HNRNPLL: variants seen among roughly 807,000 people sequenced by gnomAD.
HNRNPLL encodes heterogeneous nuclear ribonucleoprotein L like.
Under a neutral mutation model 67.1 loss-of-function variants are expected in HNRNPLL, and 25 were observed. The ratio of observed to expected loss-of-function variants is 0.37; its 90% CI spans 0.27 to 0.52. HNRNPLL has a LOEUF of 0.52. Ranked by LOEUF, HNRNPLL falls within the 20% of genes least tolerant of loss-of-function variation. HNRNPLL has a pLI of 0.90. For missense variants in HNRNPLL, 542 were observed against 673.9 expected, an observed-to-expected ratio of 0.80 and a Z score of 2.17; for synonymous variants, 267 against 241.7, an observed-to-expected ratio of 1.10 and a Z score of -0.97.
chr2:38,594,946 A>C (rs1417549358), intron 1 of HNRNPLL, among the ~76,000 whole-genome samples: 2 of 151,940 alleles, frequency 1.3e-5, no homozygotes, highest in Admixed American at 6.6e-5. Context: ...TCTCAAAAAA[A>C]AGAAATAACC....
intron 1 of HNRNPLL, among the ~76,000 whole-genome samples, chr2:38,595,294 A>AAG (rs1667133851): frequency 6.8e-6 from 1 of 146,612 alleles, no homozygotes; most frequent in African/African-American, 2.5e-5. Context: ...AAAAAAAAAA[A>AAG]AAAGAAAAGA....
intron 1 of HNRNPLL, among the ~76,000 whole-genome samples, chr2:38,596,612 A>C (rs1254326034): frequency 6.6e-6 from 1 of 152,132 alleles, no homozygotes. Flanking sequence ...TCATACTATG[A>C]ATCTTGACTC....
intron 1 of HNRNPLL, among the ~76,000 whole-genome samples, chr2:38,599,642 ACTCTT>A (rs1277357770): frequency 6.6e-6 from 1 of 152,062 alleles, no homozygotes; most frequent in Non-Finnish European, 1.5e-5. Context: ...CAAAGTATTA[ACTCTT>A]CTCTCATTTC....
At chr2:38,590,287 G>A (rs1223984976) in intron 2 of HNRNPLL, among the ~76,000 whole-genome samples, 1 of 152,078 alleles carries the variant, frequency 6.6e-6, no homozygotes, top group African/African-American at 2.4e-5. Flanking sequence ...CCCTCTGCTG[G>A]ACATCTCTGA....
intron 9 of HNRNPLL, 134 bp downstream of exon 9, chr2:38,569,669 CA>C (rs1375467563): frequency 3.7e-6 from 2 of 546,858 alleles, no homozygotes; most frequent in Non-Finnish European, 6.3e-6. Flanking sequence ...TCTAAAATAA[CA>C]ATATTACAGC....
rs535016998 is a variant in HNRNPLL, at chr2:38,592,314, T to C, written c.190-666A>G. Among the ~76,000 whole-genome samples, 3 of 152,298 alleles carry C rather than the reference T, an allele frequency of 2.0e-5. No homozygotes were observed. In the East Asian group the frequency reaches 5.8e-4, roughly 29 times the overall value. On this transcript the variant is annotated intron_variant, in intron 1 of 12. Transcript: ENST00000449105. ...AAATCAAAATCTCAACTAGTACAAATGAACAAAAAGTTCCAATCAAAAATT... is the reference window on the plus strand; with the variant it reads ...AAATCAAAATCTCAACTAGTACAAACGAACAAAAAGTTCCAATCAAAAATT...
chr2:38,568,990 A>G (rs1370999680), intron 10 of HNRNPLL, 143 bp downstream of exon 10: 1 of 627,838 alleles, frequency 1.6e-6, no homozygotes, highest in Admixed American at 2.8e-5. Flanking sequence ...TGGTCAAAGA[A>G]TAAACTATCC....
At chr2:38,589,475 C>G (rs1268021443) in intron 2 of HNRNPLL, among the ~76,000 whole-genome samples, 1 of 152,224 alleles carries the variant, frequency 6.6e-6, no homozygotes, top group Admixed American at 6.5e-5. Context: ...TTTCATACAA[C>G]TGAAACTCCT....
intron 4 of HNRNPLL, among the ~76,000 whole-genome samples, chr2:38,583,391 C>T (rs1308374158): frequency 6.6e-6 from 1 of 152,024 alleles, no homozygotes; most frequent in African/African-American, 2.4e-5. Context: ...AGTGTATTAT[C>T]TATACTATTT....
chr2:38,580,654 T>C (rs952896942), intron 6 of HNRNPLL, among the ~76,000 whole-genome samples: 35 of 152,348 alleles, frequency 2.3e-4, no homozygotes, highest in African/African-American at 7.9e-4. Flanking sequence ...TGCAGCCCCC[T>C]TGTTTTTACA....
chr2:38,571,595 CTT>C (rs1282296823), intron 8 of HNRNPLL, among the ~76,000 whole-genome samples: 3 of 152,130 alleles, frequency 2.0e-5, no homozygotes, highest in Non-Finnish European at 2.9e-5. Context: ...TTTGAAATCT[CTT>C]GTCTTCTCAT....
chr2:38,584,812 T>C (rs1666660034), intron 3 of HNRNPLL, among the ~76,000 whole-genome samples: 1 of 151,948 alleles, frequency 6.6e-6, no homozygotes, highest in South Asian at 2.1e-4. Flanking sequence ...CTTGAGCATC[T>C]ATAATTTACA....
intron 12 of HNRNPLL, 56 bp from the exon 13 acceptor site, chr2:38,564,293 T>G (rs1212078938): frequency 3.2e-6 from 3 of 924,468 alleles, no homozygotes; most frequent in Non-Finnish European, 5.4e-6. Flanking sequence ...CAAGATCACC[T>G]TGAAGTATCA....
rs542214865 is a variant in HNRNPLL at position 38,600,153 on chromosome 2, G to C, written c.189+2285C>G. 7.0e-4 allele frequency: 148 copies of C among 212,700 alleles called. 1 individual carries two copies. The highest frequency in any genetic ancestry group is 2.7e-3 in the Admixed American group (46 of 17,224). 13.2% of individuals were successfully genotyped at this position (212,700 alleles called of 1,614,324 possible). On this transcript the variant is annotated intron_variant, in intron 1 of 12. Transcript: ENST00000449105. ...AAATATTTAAAAACAAGATAAACAAGGCTTCATTAGATTTCATAGTACAAT... is the reference window on the plus strand; with the variant it reads ...AAATATTTAAAAACAAGATAAACAACGCTTCATTAGATTTCATAGTACAAT...
intron 6 of HNRNPLL, 106 bp from the exon 7 acceptor site, chr2:38,577,638 A>G (rs1666352055): frequency 4.2e-6 from 3 of 707,780 alleles, no homozygotes; most frequent in East Asian, 2.5e-5. Context: ...ACAATTCATA[A>G]AAGAAATACG....
intron 6 of HNRNPLL, chr2:38,581,025 A>G (rs981126139): frequency 1.3e-5 from 2 of 152,222 alleles, no homozygotes; most frequent in African/African-American, 4.8e-5. Context: ...CAGTGACCAC[A>G]ATTGAGAAAA....
intron 12 of HNRNPLL, among the ~76,000 whole-genome samples, chr2:38,566,366 C>CAA (rs71402234): frequency 2.9e-3 from 172 of 59,354 alleles, no homozygotes; most frequent in African/African-American, 8.6e-3. Flanking sequence ...AGACTCGTCT[C>CAA]AAAAAAAAAA....
At chr2:38,581,156 C>A (rs952828348) in intron 6 of HNRNPLL, 12 of 152,172 alleles carry the variant, frequency 7.9e-5, no homozygotes, top group Admixed American at 3.9e-4. Context: ...ATAAACTGGT[C>A]CTGGTTATTT....
chr2:38,579,308 T>TA (rs1488700062), intron 6 of HNRNPLL, among the ~76,000 whole-genome samples: 1 of 152,036 alleles, frequency 6.6e-6, no homozygotes, highest in Non-Finnish European at 1.5e-5. Flanking sequence ...AATTCACTTC[T>TA]AAATGACGAG....
Sources: allele counts gnomAD v4.1 joint callset (sites outside exome capture counted in the v4.1 genomes callset), GRCh38; gene constraint gnomAD v4.1.1; transcripts MANE v1.5; gene names NCBI Gene and HGNC (gene_info 2026-07-23, HGNC 2026-07-21).